CCDC28B: variants seen among roughly 807,000 people sequenced by gnomAD.
CCDC28B encodes the protein coiled-coil domain containing 28B.
Under a neutral mutation model 18.7 loss-of-function variants are expected in CCDC28B, and 17 were observed. The ratio of observed to expected loss-of-function variants is 0.91; its 90% CI spans 0.62 to 1.36. The LOEUF (loss-of-function observed/expected upper bound fraction) is 1.36, where lower values mean the gene tolerates loss of function less well. CCDC28B is among the 40% of genes most tolerant of loss of function. The probability of loss-of-function intolerance (pLI) is 0.00; values close to 1 mark genes in which losing one functional copy is unlikely to be tolerated. For missense variants in CCDC28B, 213 were observed against 251.7 expected (o/e 0.85, Z 1.04); for synonymous variants, 116 against 105.1 (o/e 1.10, Z -0.64).
At chr1:32,201,505 C>A (rs1643147043) in intron 1 of CCDC28B, among the ~76,000 whole-genome samples, 1 of 152,106 alleles carries the variant, frequency 6.6e-6, no homozygotes, top group Admixed American at 6.5e-5. Flanking sequence ...TCTGCTTAGG[C>A]CCCTGATAAA....
intron 5 of CCDC28B, chr1:32,204,940 C>T (rs1049805313): frequency 6.4e-6 from 9 of 1,408,912 alleles, no homozygotes; most frequent in Non-Finnish European, 7.6e-6. Context: ...TTTACACTAC[C>T]ACCTCACCTG....
chr1:32,205,186 G>T lies in CCDC28B; in HGVS notation c.549-8G>T, dbSNP rs768743189. The stretch of plus-strand genomic sequence containing the variant: ...GGTCCAAAGCGCCACGATCCTTGAC[G>T]GGCACAGCCAGAAGCTGCACCTGGC... On this transcript the variant is annotated splice_region_variant and splice_polypyrimidine_tract_variant and intron_variant, in intron 5 of 5. Transcript: ENST00000373602. The surrounding 1 kb of genome is among the most constrained non-coding windows in gnomAD (Gnocchi z 5.6). 14 of 1,613,780 alleles carry T rather than the reference G, an allele frequency of 8.7e-6. No individual in the cohort carries two copies. The highest frequency in any genetic ancestry group is 1.2e-5 in the Non-Finnish European group (14 of 1,179,848).
chr1:32,202,529 G>A (rs1468562399), intron 2 of CCDC28B: 2 of 357,710 alleles, frequency 5.6e-6, no homozygotes, highest in Non-Finnish European at 1.1e-5. Flanking sequence ...TTTTATGATT[G>A]GGAGTTTGCA....
intron 1 of CCDC28B, among the ~76,000 whole-genome samples, chr1:32,201,046 T>A (rs978102878): frequency 7.9e-6 from 1 of 125,850 alleles, no homozygotes; most frequent in Non-Finnish European, 1.7e-5. Flanking sequence ...ACCCCCCCAG[T>A]CCCAGAATTC....
upstream of CCDC28B, among the ~76,000 whole-genome samples, chr1:32,199,347 T>C (rs576464484): frequency 6.6e-6 from 1 of 151,060 alleles, no homozygotes; most frequent in African/African-American, 2.4e-5. Context: ...TTATTTCTAG[T>C]CGCAGATCCT....
At chr1:32,200,497 C>T (rs1333033126), upstream of CCDC28B, 1 of 152,300 alleles carries the variant, frequency 6.6e-6, no homozygotes, top group Admixed American at 6.5e-5. Flanking sequence ...TAGGTTCAGG[C>T]GGGGAGGTGA....
At chr1:32,203,075 A>C (rs1287469932) in intron 2 of CCDC28B, 1 of 151,896 alleles carries the variant, frequency 6.6e-6, no homozygotes, top group African/African-American at 2.4e-5. Context: ...CAGAGGTTGC[A>C]GTGAACCGAG....
At chr1:32,199,476 G>C (rs1230386320), upstream of CCDC28B, among the ~76,000 whole-genome samples, 1 of 152,184 alleles carries the variant, frequency 6.6e-6, no homozygotes, top group Non-Finnish European at 1.5e-5. Context: ...CCACAGGGGT[G>C]CTCCCTCTGT....
Position 32,205,074 on chromosome 1 carries a change from C to A in CCDC28B, c.549-120C>A. On this transcript the variant is annotated intron_variant, in intron 5 of 5. Coordinates refer to ENST00000373602, the MANE Select transcript of CCDC28B (RefSeq NM_024296.5). This position sits in a 1 kb window ranked among gnomAD's most constrained non-coding sequence, Gnocchi z 5.6. ...GGGGACTGCAACCTCAGTCCACAGA[C>A]GGCCCGAGACCCTCGTCCCCGGCCC... 7.8e-7 allele frequency: 1 copy of A among 1,288,058 alleles called. No homozygotes were observed. The highest frequency in any genetic ancestry group is 1.5e-5 in the South Asian group (1 of 68,792). 79.8% of individuals were successfully genotyped at this position (1,288,058 alleles called of 1,614,324 possible). A position where few individuals can be genotyped will look rare whatever the true frequency, so the allele number is the denominator to read the frequency against.
At chr1:32,204,511 C>T (rs1643254492) in intron 4 of CCDC28B, 87 bp from the exon 5 acceptor site, 3 of 1,516,478 alleles carry the variant, frequency 2.0e-6, no homozygotes, top group Non-Finnish European at 2.6e-6. Flanking sequence ...GGCCCCTCAA[C>T]CTCCCCAGAA....
rs1191149345 is a variant in CCDC28B, at chr1:32,201,976, T to C, written c.41T>C (p.Leu14Pro). 1.9e-6 allele frequency: 3 copies of C among 1,612,422 alleles called. No homozygotes were observed. The highest frequency in any genetic ancestry group is 1.7e-5 in the Admixed American group (1 of 59,600). Residue 14 changes from leucine to proline, a missense_variant, in exon 2 of 6, where the codon CTG becomes CCG. Leu to Pro is a moderately conservative substitution (Grantham distance 98, BLOSUM62 -3). Transcript: ENST00000373602. ...KKKKRSPKPC[L>P]AQPAQAPGTL... ...AAGAAACGGAGTCCCAAGCCCTGCC[T>C]GGCCCAGCCAGCCCAGGCCCCAGGC... is the stretch of plus-strand genomic sequence containing the variant.
chr1:32,205,113 G>A lies in CCDC28B; in HGVS notation c.549-81G>A. ...CGTCCCCGGCCCTTTGCACAGGTGAGGGAACTAAACCTGTGCAAGATGGGA... is the reference window on the plus strand; with the variant it reads ...CGTCCCCGGCCCTTTGCACAGGTGAAGGAACTAAACCTGTGCAAGATGGGA... On this transcript the variant is annotated intron_variant, in intron 5 of 5. Transcript: ENST00000373602. This position sits in a 1 kb window ranked among gnomAD's most constrained non-coding sequence, Gnocchi z 5.6. 2 of 1,547,012 alleles carry A rather than the reference G, an allele frequency of 1.3e-6. No homozygotes were observed. The highest frequency in any genetic ancestry group is 1.8e-6 in the Non-Finnish European group (2 of 1,129,242).
Position 32,205,175 on chromosome 1 carries a change from C to G in CCDC28B, c.549-19C>G. On this transcript the variant is annotated intron_variant, in intron 5 of 5. Coordinates refer to ENST00000373602, the MANE Select transcript of CCDC28B (RefSeq NM_024296.5). The surrounding 1 kb of genome is among the most constrained non-coding windows in gnomAD (Gnocchi z 5.6). ...GAGGAAGGACTGGTCCAAAGCGCCA[C>G]GATCCTTGACGGGCACAGCCAGAAG... is the stretch of plus-strand genomic sequence containing the variant. 1.2e-6 allele frequency: 2 copies of G among 1,613,408 alleles called. No homozygotes were observed. Among genetic ancestry groups the G allele is most frequent in the South Asian group, 1.1e-5 (1 of 90,964 alleles).
chr1:32,205,195 C>G lies in CCDC28B; in HGVS notation c.550C>G (p.Gln184Glu). 6.2e-7 allele frequency: 1 copy of G among 1,613,938 alleles called. No homozygotes were observed. The highest frequency in any genetic ancestry group is 8.5e-7 in the Non-Finnish European group (1 of 1,179,938). ...CGCCACGATCCTTGACGGGCACAGC[C>G]AGAAGCTGCACCTGGCCGAGAACGC... is the stretch of plus-strand genomic sequence containing the variant. ...SNLEDLSNSI[Q>E]KLHLAENAEP... The change falls in exon 6 of 6, where the codon CAG (glutamine) becomes GAG (glutamate). Residue 184 changes from glutamine (Q) to glutamate (E), a missense_variant and splice_region_variant. Coordinates refer to ENST00000373602, the MANE Select transcript of CCDC28B (RefSeq NM_024296.5). This position sits in a 1 kb window ranked among gnomAD's most constrained non-coding sequence, Gnocchi z 5.6.
chr1:32,205,241 C>A lies in CCDC28B; in HGVS notation c.596C>A (p.Ala199Asp), dbSNP rs200368399. ...AENAEPEEQS[A>D]A The stretch of plus-strand genomic sequence containing the variant: ...AACGCCGAGCCTGAGGAGCAGTCCG[C>A]TGCGTAGGCGTCCCACGCAGGCCCA... The change falls in exon 6 of 6, where the codon GCT becomes GAT. Residue 199 changes from alanine to aspartate, a missense_variant. By Grantham distance (126) the Ala-to-Asp change is moderately radical. Coordinates refer to ENST00000373602, the MANE Select transcript of CCDC28B (RefSeq NM_024296.5). The surrounding 1 kb of genome is among the most constrained non-coding windows in gnomAD (Gnocchi z 5.6). 1.4e-4 allele frequency: 230 copies of A among 1,613,324 alleles called. 2 individuals are homozygous for A. In the Middle Eastern group the frequency reaches 4.5e-3, roughly 31 times the overall value.
At chr1:32,198,772 G>A (rs949780306), upstream of CCDC28B, among the ~76,000 whole-genome samples, 1 of 152,144 alleles carries the variant, frequency 6.6e-6, no homozygotes, top group Non-Finnish European at 1.5e-5. Context: ...AGGGGGTGAG[G>A]CTGGGCCCAG....
chr1:32,203,813 A>G (rs754198114), intron 2 of CCDC28B, 66 bp from the exon 3 acceptor site: 3 of 1,331,326 alleles, frequency 2.3e-6, no homozygotes, highest in Non-Finnish European at 3.0e-6. Context: ...GGCAGATGGC[A>G]CAAAAGATCG....
chr1:32,204,154 T>C, intron 3 of CCDC28B, 32 bp from the exon 4 acceptor site: 1 of 1,613,078 alleles, frequency 6.2e-7, no homozygotes, highest in Non-Finnish European at 8.5e-7. Flanking sequence ...CCAGGACTCT[T>C]TCCCAGGGTT....
Position 32,204,022 on chromosome 1 carries a change from A to G in CCDC28B, c.308A>G (p.His103Arg), listed in dbSNP as rs1418104856. 6.4e-7 allele frequency: 1 copy of G among 1,552,914 alleles called. No homozygotes were observed. Among genetic ancestry groups the G allele is most frequent in the African/African-American group, 1.4e-5 (1 of 72,340 alleles). ...GGLLNLLNDF[H>R]SGRLQAFGKE... Reference sequence around the variant, plus strand: ...CTCCTGAACCTGCTCAATGATTTCCACTCTGGCCGGCTGCAGGCCTTCGGT... The same window carrying G: ...CTCCTGAACCTGCTCAATGATTTCCGCTCTGGCCGGCTGCAGGCCTTCGGT... Residue 103 changes from histidine (H) to arginine (R), a missense_variant, in exon 3 of 6, where the codon CAC (histidine) becomes CGC (arginine). Coordinates refer to ENST00000373602, the MANE Select transcript of CCDC28B (RefSeq NM_024296.5).
Sources: gnomAD v4.1 joint callset for allele counts (sites outside exome capture counted in the v4.1 genomes callset) on GRCh38, gnomAD v4.1.1 for gene constraint, Gnocchi (gnomAD v3.1) non-coding constraint, MANE v1.5 for transcripts, NCBI Gene and HGNC (gene_info 2026-07-23, HGNC 2026-07-21) for gene names.